Variants in TBC1D8 observed in about 807,000 individuals in gnomAD.
TBC1D8 encodes the protein BUB2-like protein 1.
A neutral mutation model predicts 118.8 loss-of-function variants in TBC1D8; 65 were observed. The ratio of observed to expected loss-of-function variants is 0.55; its 90% CI spans 0.45 to 0.67. The LOEUF is 0.67. Ranked by LOEUF, TBC1D8 falls within the 30% of genes least tolerant of loss-of-function variation. The pLI is 0.00. For synonymous variants in TBC1D8, 566 were observed against 595.8 expected (o/e 0.95, Z 0.73); for missense variants, 1,376 against 1,471.2 (o/e 0.94, Z 1.06).
chr2:101,022,697 G>T (rs1680113325), intron 15 of TBC1D8, among the ~76,000 whole-genome samples, 176 bp from the exon 16 acceptor site: 1 of 152,110 alleles, frequency 6.6e-6, no homozygotes, highest in Admixed American at 6.5e-5. Flanking sequence ...TTTCACGTTG[G>T]TTTTTTTATT....
intron 11 of TBC1D8, 88 bp downstream of exon 11, chr2:101,032,180 T>G: frequency 7.8e-7 from 1 of 1,279,882 alleles, no homozygotes; most frequent in East Asian, 2.5e-5. Context: ...CACTGAGAGA[T>G]TTTATAAACA....
At chr2:101,098,521 G>C (rs1056190037) in intron 1 of TBC1D8, among the ~76,000 whole-genome samples, 1 of 152,128 alleles carries the variant, frequency 6.6e-6, no homozygotes, top group Non-Finnish European at 1.5e-5. Flanking sequence ...GGACCTACTA[G>C]ACATCTACAG....
At chr2:101,084,209 C>A (rs1412530696) in intron 2 of TBC1D8, among the ~76,000 whole-genome samples, 1 of 152,170 alleles carries the variant, frequency 6.6e-6, no homozygotes, top group East Asian at 1.9e-4. Context: ...GAAGCTGGCA[C>A]AAACGTCATG....
chr2:101,104,339 T>C (rs1253358932), intron 1 of TBC1D8, among the ~76,000 whole-genome samples: 1 of 152,214 alleles, frequency 6.6e-6, no homozygotes, highest in Non-Finnish European at 1.5e-5. Flanking sequence ...CCACACACTA[T>C]TTTGTAAATA....
At chr2:101,042,130 G>A (rs144780474) in intron 5 of TBC1D8, among the ~76,000 whole-genome samples, 2,177 of 151,958 alleles carry the variant, frequency 0.014, 22 homozygotes, top group Non-Finnish European at 0.024. Context: ...AATCCAGGTC[G>A]GGTGCAGTGG....
chr2:101,017,790 C>T (rs1679764017), intron 17 of TBC1D8: 1 of 1,526,166 alleles, frequency 6.6e-7, no homozygotes, highest in Non-Finnish European at 8.9e-7. Context: ...TTGACAAGCT[C>T]AGGACTTTTT....
chr2:101,014,398 A>G (rs969924581), intron 17 of TBC1D8, among the ~76,000 whole-genome samples: 2 of 152,190 alleles, frequency 1.3e-5, no homozygotes, highest in Non-Finnish European at 2.9e-5. Flanking sequence ...ACTGGAGCTG[A>G]TATCAGGACT....
intron 2 of TBC1D8, among the ~76,000 whole-genome samples, chr2:101,063,865 T>A (rs2105428705): frequency 6.6e-6 from 1 of 152,096 alleles, no homozygotes; most frequent in Non-Finnish European, 1.5e-5. Context: ...TATATTTCTG[T>A]CTGTGGGTCA....
chr2:101,053,174 G>A (rs556264550), intron 4 of TBC1D8, among the ~76,000 whole-genome samples: 7 of 152,338 alleles, frequency 4.6e-5, no homozygotes, highest in Admixed American at 2.6e-4. Flanking sequence ...GATGATGGAT[G>A]AATAGGAGTT....
intron 1 of TBC1D8, among the ~76,000 whole-genome samples, chr2:101,096,415 T>C (rs1448180150): frequency 4.3e-5 from 3 of 69,830 alleles, no homozygotes; most frequent in Non-Finnish European, 9.1e-5. Flanking sequence ...TGTCTGGCTT[T>C]TGACAAAAAA....
At chr2:101,122,699 T>C (rs894826307) in intron 1 of TBC1D8, among the ~76,000 whole-genome samples, 15 of 152,182 alleles carry the variant, frequency 9.9e-5, no homozygotes, top group African/African-American at 2.4e-4. Context: ...CCGAAATGAA[T>C]TGAAAACTCA....
intron 1 of TBC1D8, among the ~76,000 whole-genome samples, chr2:101,135,387 C>G (rs1266979771): frequency 1.3e-5 from 2 of 151,524 alleles, no homozygotes; most frequent in Non-Finnish European, 2.9e-5. Flanking sequence ...GCCATCTGAA[C>G]AGCAGAAAAC....
intron 12 of TBC1D8, 106 bp downstream of exon 12, chr2:101,029,385 C>G: frequency 7.9e-7 from 1 of 1,271,982 alleles, no homozygotes; most frequent in Admixed American, 2.7e-5. Context: ...GAGTGAGACT[C>G]TGTCTCAATA....
intron 19 of TBC1D8, among the ~76,000 whole-genome samples, chr2:101,009,925 C>T (rs1035419757): frequency 1.3e-5 from 2 of 151,580 alleles, no homozygotes; most frequent in African/African-American, 4.8e-5. Context: ...GGGTTCATGC[C>T]ATTCTCCTGC....
At chr2:101,148,350 C>G (rs1679403580) in intron 1 of TBC1D8, among the ~76,000 whole-genome samples, 2 of 152,196 alleles carry the variant, frequency 1.3e-5, no homozygotes, top group Non-Finnish European at 2.9e-5. Flanking sequence ...CCCATCCATT[C>G]ATCCTACAAA....
At chr2:101,029,935 G>T in intron 11 of TBC1D8, 159 bp from the exon 12 acceptor site, 1 of 686,136 alleles carries the variant, frequency 1.5e-6, no homozygotes, top group Non-Finnish European at 2.3e-6. Context: ...TTTAGACCAA[G>T]GTAATTCAAT....
chr2:101,033,460 C>T (rs778344252), intron 10 of TBC1D8, 84 bp downstream of exon 10: 5 of 1,526,286 alleles, frequency 3.3e-6, no homozygotes, highest in Non-Finnish European at 3.6e-6. Context: ...GACCAGATGA[C>T]TGGGAATGCA....
intron 1 of TBC1D8, among the ~76,000 whole-genome samples, chr2:101,123,552 C>T (rs1229263153): frequency 6.6e-6 from 1 of 152,116 alleles, no homozygotes. Context: ...TCTCACCTGC[C>T]CCCGTGACAA....
At chr2:101,100,178 A>C (rs1157675252) in intron 1 of TBC1D8, among the ~76,000 whole-genome samples, 2 of 152,192 alleles carry the variant, frequency 1.3e-5, no homozygotes, top group African/African-American at 4.8e-5. Flanking sequence ...GGATACAAAA[A>C]TCAATGTGCA....
Sources: allele counts gnomAD v4.1 joint callset (sites outside exome capture counted in the v4.1 genomes callset), GRCh38; gene constraint gnomAD v4.1.1; transcripts MANE v1.5; gene names NCBI Gene and HGNC (gene_info 2026-07-23, HGNC 2026-07-21).